Variants in NAA35 observed in about 807,000 individuals in gnomAD.
The protein encoded by NAA35 is N-alpha-acetyltransferase 35, NatC auxiliary subunit, also known as MAK10 homolog, amino-acid N-acetyltransferase subunit.
Under a neutral mutation model 101.7 loss-of-function variants are expected in NAA35, and 18 were observed. The ratio of observed to expected loss-of-function variants is 0.18; its 90% CI spans 0.12 to 0.26. The LOEUF (loss-of-function observed/expected upper bound fraction) is 0.26, where lower values mean the gene tolerates loss of function less well. NAA35 is among the 10% of genes least tolerant of loss of function. NAA35 has a pLI of 1.00. For missense variants in NAA35, 601 were observed against 886.8 expected (o/e 0.68, Z 4.09); for synonymous variants, 267 against 273.1 (o/e 0.98, Z 0.22).
At chr9:85,985,553 A>G (rs956845790) in intron 11 of NAA35, among the ~76,000 whole-genome samples, 4 of 152,242 alleles carry the variant, frequency 2.6e-5, no homozygotes, top group African/African-American at 9.6e-5. Context: ...CCATAGAGAC[A>G]AAGTAGATTA....
At chr9:85,977,725 A>T (rs1255738165) in intron 10 of NAA35, among the ~76,000 whole-genome samples, 1 of 152,194 alleles carries the variant, frequency 6.6e-6, no homozygotes, top group Admixed American at 6.6e-5. Flanking sequence ...GTAAAATTTT[A>T]GGTAGGCCTA....
At chr9:86,011,988 TATATATAATA>T (rs1213630091) in intron 15 of NAA35, among the ~76,000 whole-genome samples, 2 of 142,750 alleles carry the variant, frequency 1.4e-5, no homozygotes, top group Admixed American at 1.4e-4. Flanking sequence ...TAATATATAT[TATATATAATA>T]ATATATAATG....
intron 3 of NAA35, 109 bp downstream of exon 3, chr9:85,956,502 T>G: frequency 1.7e-6 from 1 of 573,842 alleles, no homozygotes; most frequent in Non-Finnish European, 2.8e-6. Flanking sequence ...GTTTCAAAAT[T>G]GTGAAAATAA....
chr9:85,952,609 C>T (rs564696925), intron 2 of NAA35, among the ~76,000 whole-genome samples: 1 of 152,042 alleles, frequency 6.6e-6, no homozygotes, highest in South Asian at 2.1e-4. Context: ...TTTCCCAAGA[C>T]AACTATTTTC....
intron 6 of NAA35, among the ~76,000 whole-genome samples, chr9:85,968,400 TG>T (rs1829854909): frequency 6.6e-6 from 1 of 152,018 alleles, no homozygotes; most frequent in African/African-American, 2.4e-5. Flanking sequence ...TTAGTAGAGA[TG>T]GGGTTTCACT....
chr9:85,989,168 T>TC (rs531404859), intron 11 of NAA35, among the ~76,000 whole-genome samples: 1 of 152,122 alleles, frequency 6.6e-6, no homozygotes, highest in Non-Finnish European at 1.5e-5. Flanking sequence ...ATCTTCAAAG[T>TC]CCTCAAGTAA....
intron 11 of NAA35, among the ~76,000 whole-genome samples, chr9:85,980,463 T>C (rs904323843): frequency 1.5e-4 from 23 of 152,032 alleles, no homozygotes; most frequent in African/African-American, 5.1e-4. Context: ...ACTCGGAGAG[T>C]CTAAGGATTT....
chr9:86,020,320 A>G (rs1252826939), intron 21 of NAA35, among the ~76,000 whole-genome samples: 1 of 152,214 alleles, frequency 6.6e-6, no homozygotes, highest in Non-Finnish European at 1.5e-5. Context: ...AACTTCATTT[A>G]TTCAAAGATG....
At chr9:85,948,300 T>G (rs1414994948) in intron 2 of NAA35, among the ~76,000 whole-genome samples, 4 of 152,200 alleles carry the variant, frequency 2.6e-5, no homozygotes, top group African/African-American at 9.6e-5. Context: ...TTGGTGTACT[T>G]ATCATTAATT....
At chr9:85,941,978 C>G in intron 1 of NAA35, 177 bp from the exon 2 acceptor site, 3 of 1,232,910 alleles carry the variant, frequency 2.4e-6, no homozygotes, top group Non-Finnish European at 3.2e-6. Context: ...TGTTAATTGA[C>G]GTGCGATTTG....
intron 14 of NAA35, among the ~76,000 whole-genome samples, chr9:86,009,583 C>G (rs1037470299): frequency 4.6e-5 from 7 of 152,136 alleles, no homozygotes; most frequent in African/African-American, 1.7e-4. Context: ...AAAAGTAGAG[C>G]TTTAGACTTT....
intron 2 of NAA35, among the ~76,000 whole-genome samples, chr9:85,949,423 T>C (rs894548397): frequency 3.3e-5 from 5 of 151,732 alleles, no homozygotes; most frequent in Non-Finnish European, 5.9e-5. Flanking sequence ...GCCTCCCGAG[T>C]AGCTGGGACT....
At chr9:85,959,592 A>G (rs1355525558) in intron 4 of NAA35, among the ~76,000 whole-genome samples, 1 of 152,108 alleles carries the variant, frequency 6.6e-6, no homozygotes, top group African/African-American at 2.4e-5. Context: ...TCAATTAAAA[A>G]TAAAATTTAT....
rs183387472 is a variant in NAA35 at position 85,974,623 on chromosome 9, T to C, written c.517-344T>C. Among the ~76,000 whole-genome samples the C allele has an allele frequency of 7.9e-5, 12 of 152,310 alleles. No homozygotes were observed. In the East Asian group the frequency reaches 1.9e-3, roughly 24 times the overall value. On this transcript the variant is annotated intron_variant, in intron 6 of 22. Transcript: ENST00000361671. ...GTCATTTAACAGTAATTATTACATATTTACTGTTCACCTGTGAATGTGAGA... is the reference window on the plus strand; with the variant it reads ...GTCATTTAACAGTAATTATTACATACTTACTGTTCACCTGTGAATGTGAGA...
rs956143252 is a variant in NAA35, at chr9:85,962,195, T to C, written c.516+15T>C. 8.7e-6 allele frequency: 14 copies of C among 1,611,248 alleles called. No homozygotes were observed. Among genetic ancestry groups the C allele is most frequent in the African/African-American group, 4.0e-5 (3 of 74,696 alleles). On this transcript the variant is annotated intron_variant, in intron 6 of 22. Coordinates refer to ENST00000361671, the MANE Select transcript of NAA35 (RefSeq NM_024635.4). ...TTTTTGAAGAGGTAAGATTTCGTAA[T>C]GTAAGAAATCCTTGGCCAGGTGCGG...
Position 86,024,887 on chromosome 9 carries a change from G to C in NAA35, c.*2927G>C, listed in dbSNP as rs1365235304. On this transcript the variant is annotated 3_prime_UTR_variant, in exon 23 of 23. Coordinates refer to ENST00000361671, the MANE Select transcript of NAA35 (RefSeq NM_024635.4). ...ACTATAGTCACTGTAATTTTCTGGG[G>C]GTTGCCATTGCTCAGGGAGCTCCTA... 6.6e-6 allele frequency among the ~76,000 whole-genome samples: 1 copy of C among 152,098 alleles called. No homozygotes were observed.
At chr9:85,991,998 C>T (rs527430201) in intron 11 of NAA35, among the ~76,000 whole-genome samples, 8 of 152,066 alleles carry the variant, frequency 5.3e-5, no homozygotes, top group Admixed American at 1.3e-4. Flanking sequence ...CGCGGTGAAA[C>T]CCCGTCTCTA....
chr9:85,970,786 A>G (rs910707722), intron 6 of NAA35, among the ~76,000 whole-genome samples: 1 of 152,222 alleles, frequency 6.6e-6, no homozygotes, highest in Non-Finnish European at 1.5e-5. Flanking sequence ...GGTTAGAGAC[A>G]TGAATTTCTG....
At chr9:85,945,559 G>A (rs1176224592) in intron 2 of NAA35, among the ~76,000 whole-genome samples, 7 of 151,132 alleles carry the variant, frequency 4.6e-5, no homozygotes, top group Non-Finnish European at 4.4e-5. Flanking sequence ...ATGGAATCTC[G>A]CTGTCACCCA....
Sources: allele counts gnomAD v4.1 joint callset (sites outside exome capture counted in the v4.1 genomes callset), GRCh38; gene constraint gnomAD v4.1.1; transcripts MANE v1.5; gene names NCBI Gene and HGNC (gene_info 2026-07-23, HGNC 2026-07-21).